Variants in ANKIB1 observed in about 807,000 individuals in gnomAD.
The protein encoded by ANKIB1 is ankyrin repeat and IBR domain-containing protein 1.
ANKIB1 carries 43 observed loss-of-function variants against 122.1 expected under a neutral mutation model. That is an observed-to-expected ratio of 0.35 (90% CI 0.28 to 0.45). ANKIB1 has a LOEUF of 0.45. Ranked by LOEUF, ANKIB1 falls within the 20% of genes least tolerant of loss-of-function variation. The pLI, the probability that ANKIB1 is intolerant of heterozygous loss-of-function variation, is 1.00. For synonymous variants in ANKIB1, 390 were observed against 442.0 expected, an observed-to-expected ratio of 0.88 and a Z score of 1.48; for missense variants, 992 against 1,329.5, an observed-to-expected ratio of 0.75 and a Z score of 3.95.
intron 9 of ANKIB1, among the ~76,000 whole-genome samples, chr7:92,356,471 A>G (rs1803815298): frequency 6.6e-6 from 1 of 152,248 alleles, no homozygotes; most frequent in African/African-American, 2.4e-5. Flanking sequence ...CAGTTCAATC[A>G]TAAGACCTTA....
chr7:92,367,712 G>A (rs1804122980), intron 10 of ANKIB1, among the ~76,000 whole-genome samples: 1 of 152,176 alleles, frequency 6.6e-6, no homozygotes, highest in Non-Finnish European at 1.5e-5. Flanking sequence ...TGTTCGTTAA[G>A]CACTGAAATA....
At chr7:92,326,015 TC>T in intron 4 of ANKIB1, 1 of 421,646 alleles carries the variant, frequency 2.4e-6, no homozygotes, top group Non-Finnish European at 4.7e-6. Flanking sequence ...AAAGGTACTT[TC>T]ATTTTAATCT....
chr7:92,379,868 A>G (rs1804471479), intron 11 of ANKIB1, among the ~76,000 whole-genome samples: 1 of 152,136 alleles, frequency 6.6e-6, no homozygotes, highest in Admixed American at 6.6e-5. Context: ...CAGCTGAGGT[A>G]CCTGGTTCAT....
At chr7:92,335,481 A>G (rs1803269131) in intron 5 of ANKIB1, among the ~76,000 whole-genome samples, 1 of 151,962 alleles carries the variant, frequency 6.6e-6, no homozygotes, top group Non-Finnish European at 1.5e-5. Flanking sequence ...GGATGTTAAA[A>G]TTTCTATTTA....
Position 92,327,769 on chromosome 7 carries a change from T to G in ANKIB1, c.670-14T>G. 3 of 1,466,746 alleles carry G rather than the reference T, an allele frequency of 2.0e-6. No individual in the cohort carries two copies. The highest frequency in any genetic ancestry group is 2.7e-6 in the Non-Finnish European group (3 of 1,092,634). The allele number at this position is 1,466,746 out of a possible 1,614,324, so 90.9% of individuals were successfully genotyped here. A position where few individuals can be genotyped will look rare whatever the true frequency, so the allele number is the denominator to read the frequency against. On this transcript the variant is annotated splice_polypyrimidine_tract_variant and intron_variant, in intron 4 of 19. Transcript: ENST00000265742. Reference sequence around the variant, plus strand: ...TATAATGCCCATTTAACTTTATTTTTTTTCTTTTCAAAGCCATATGAAGGA... The same window carrying G: ...TATAATGCCCATTTAACTTTATTTTGTTTCTTTTCAAAGCCATATGAAGGA...
intron 11 of ANKIB1, among the ~76,000 whole-genome samples, chr7:92,379,495 T>C (rs1804462845): frequency 6.6e-6 from 1 of 152,122 alleles, no homozygotes; most frequent in African/African-American, 2.4e-5. Flanking sequence ...AATAGCCATA[T>C]TATGAAACCT....
rs563593276 is a variant in ANKIB1 at position 92,309,654 on chromosome 7, C to T, written c.486+1998C>T. ...TTAAATATTTTAAATAGGCCGGGCA[C>T]GGTGGCTCACACCTGTAATCCCAGC... On this transcript the variant is annotated intron_variant, in intron 3 of 19. Coordinates refer to ENST00000265742, the MANE Select transcript of ANKIB1 (RefSeq NM_019004.2). Among the ~76,000 whole-genome samples the T allele has an allele frequency of 2.4e-4, 36 of 151,880 alleles. No homozygotes were observed. In the East Asian group the frequency reaches 5.1e-3, roughly 21 times the overall value.
At chr7:92,310,367 TA>T (rs1802667090) in intron 3 of ANKIB1, among the ~76,000 whole-genome samples, 1 of 152,186 alleles carries the variant, frequency 6.6e-6, no homozygotes, top group South Asian at 2.1e-4. Context: ...TAGTTTTTTA[TA>T]ACATTTCAGC....
rs552935472 is a variant in ANKIB1 at position 92,279,325 on chromosome 7, G to A, written c.-90-15564G>A. Among the ~76,000 whole-genome samples the A allele has an allele frequency of 2.0e-5, 3 of 152,342 alleles. No individual in the cohort carries two copies. In the East Asian group the frequency reaches 5.8e-4, roughly 29 times the overall value. ...AGAATCCAGTCTGTCAGGAATAGGT[G>A]TGGAGGGATCATACTTCTTGTGATG... On this transcript the variant is annotated intron_variant, in intron 1 of 19. Coordinates refer to ENST00000265742, the MANE Select transcript of ANKIB1 (RefSeq NM_019004.2).
chr7:92,290,784 A>G (rs1458346304), intron 1 of ANKIB1, among the ~76,000 whole-genome samples: 1 of 152,130 alleles, frequency 6.6e-6, no homozygotes, highest in Non-Finnish European at 1.5e-5. Flanking sequence ...TTGAAGCTAG[A>G]ATTATACACT....
At chr7:92,254,753 T>A (rs1050439759) in intron 1 of ANKIB1, among the ~76,000 whole-genome samples, 4 of 152,236 alleles carry the variant, frequency 2.6e-5, no homozygotes, top group African/African-American at 9.6e-5. Context: ...AATTTACAAA[T>A]AAGTTTTGTA....
intron 11 of ANKIB1, among the ~76,000 whole-genome samples, chr7:92,385,082 G>A (rs1211271560): frequency 6.6e-6 from 1 of 152,106 alleles, no homozygotes; most frequent in African/African-American, 2.4e-5. Context: ...GATATGAACA[G>A]ACACTTTTCA....
chr7:92,282,683 A>G (rs750099577), intron 1 of ANKIB1, among the ~76,000 whole-genome samples: 40 of 152,236 alleles, frequency 2.6e-4, no homozygotes, highest in Non-Finnish European at 4.4e-4. Context: ...CAGTCACTGT[A>G]TAAAATCCTG....
intron 7 of ANKIB1, chr7:92,347,889 A>G: frequency 3.0e-6 from 1 of 336,228 alleles, no homozygotes; most frequent in South Asian, 2.4e-5. Flanking sequence ...AGTGCTTAAA[A>G]CAGGATCTTG....
rs34404682 is a variant in ANKIB1 at position 92,290,370 on chromosome 7, A to AGTGTGTGT, written c.-90-4492_-90-4485dup. On this transcript the variant is annotated intron_variant, in intron 1 of 19. Transcript: ENST00000265742. ...AGACTAAATTGAGTATATGTATGAA[A>AGTGTGTGT]GTGTGTGTGTGTGTGTGTGTGTGTG... Among the ~76,000 whole-genome samples, 262 of 141,404 alleles carry AGTGTGTGT rather than the reference A, an allele frequency of 1.9e-3. 1 individual carries two copies. The highest frequency in any genetic ancestry group is 5.3e-3 in the African/African-American group (204 of 38,288). 92.8% of individuals were successfully genotyped at this position (141,404 alleles called of 152,430 possible).
At chr7:92,267,110 A>G (rs548713408) in intron 1 of ANKIB1, among the ~76,000 whole-genome samples, 5 of 152,230 alleles carry the variant, frequency 3.3e-5, no homozygotes, top group African/African-American at 1.2e-4. Context: ...TGGAACAGGT[A>G]TGTAAACAAC....
chr7:92,373,046 A>T (rs1378140974), intron 11 of ANKIB1, among the ~76,000 whole-genome samples: 1 of 152,168 alleles, frequency 6.6e-6, no homozygotes, highest in East Asian at 1.9e-4. Flanking sequence ...AATTTTTATA[A>T]GTCTGTATTA....
intron 1 of ANKIB1, among the ~76,000 whole-genome samples, chr7:92,278,000 C>T (rs1191180227): frequency 2.0e-5 from 3 of 151,800 alleles, no homozygotes; most frequent in Non-Finnish European, 4.4e-5. Context: ...AGGAGAATCG[C>T]TTGAACCTGG....
At chr7:92,315,826 G>A (rs1295140519) in intron 3 of ANKIB1, among the ~76,000 whole-genome samples, 1 of 152,142 alleles carries the variant, frequency 6.6e-6, no homozygotes, top group Non-Finnish European at 1.5e-5. Flanking sequence ...TTGAGAGACA[G>A]TTGGTATCAA....
Sources: allele counts gnomAD v4.1 joint callset (sites outside exome capture counted in the v4.1 genomes callset), GRCh38; gene constraint gnomAD v4.1.1; transcripts MANE v1.5; gene names NCBI Gene and HGNC (gene_info 2026-07-23, HGNC 2026-07-21).